SCRG1: variants seen among roughly 807,000 people sequenced by gnomAD.
SCRG1 encodes stimulator of chondrogenesis 1.
SCRG1 carries 3 observed loss-of-function variants against 7.7 expected under a neutral mutation model. The ratio of observed to expected loss-of-function variants is 0.39; its 90% confidence interval spans 0.18 to 1.01. The LOEUF is 1.01. SCRG1 is among the 50% of genes least tolerant of loss of function. SCRG1 has a pLI of 0.36. For missense variants in SCRG1, 110 were observed against 117.2 expected, an observed-to-expected ratio of 0.94 and a Z score of 0.28; for synonymous variants, 46 against 41.2, an observed-to-expected ratio of 1.12 and a Z score of -0.44.
At chr4:173,414,699 C>T in the SCRG1 span, among the ~76,000 whole-genome samples, 10 of 152,230 alleles carry the variant, frequency 6.6e-5, no homozygotes, top group African/African-American at 2.4e-4. Context: ...GTGTTCACAG[C>T]AGCTGTGGCT....
chr4:173,390,054 G>GT (rs1381937659), intron 2 of SCRG1, among the ~76,000 whole-genome samples: 1 of 151,972 alleles, frequency 6.6e-6, no homozygotes, highest in African/African-American at 2.4e-5. Flanking sequence ...TTGTTTGTTT[G>GT]TTTTTTTGAG....
chr4:173,414,824 C>T, the SCRG1 span, among the ~76,000 whole-genome samples: 1 of 152,140 alleles, frequency 6.6e-6, no homozygotes, highest in African/African-American at 2.4e-5. Flanking sequence ...ACTTCAAGCA[C>T]TCTCTCTTAG....
the SCRG1 span, among the ~76,000 whole-genome samples, chr4:173,483,235 A>ATGATATATC: frequency 2.4e-5 from 1 of 42,248 alleles, no homozygotes; most frequent in Admixed American, 4.2e-4. Flanking sequence ...TATTATATAT[A>ATGATATATC]ATATATGATA....
At chr4:173,416,921 C>T in the SCRG1 span, among the ~76,000 whole-genome samples, 3 of 49,424 alleles carry the variant, frequency 6.1e-5, no homozygotes, top group Non-Finnish European at 1.5e-4. Flanking sequence ...AACACACACA[C>T]ACACACACAC....
At chr4:173,486,392 C>G in the SCRG1 span, among the ~76,000 whole-genome samples, 1 of 152,126 alleles carries the variant, frequency 6.6e-6, no homozygotes, top group East Asian at 1.9e-4. Flanking sequence ...GACATAATGC[C>G]ATCACAGCTG....
chr4:173,472,626 G>A, the SCRG1 span, among the ~76,000 whole-genome samples: 1 of 152,206 alleles, frequency 6.6e-6, no homozygotes, highest in Non-Finnish European at 1.5e-5. Context: ...TGAGTCTAAA[G>A]GCAGGAAAAT....
rs993514369 is a variant in SCRG1 at position 173,385,767 on chromosome 4, G to A, written c.*2574C>T. The A allele has an allele frequency of 1.3e-5, 2 of 152,132 alleles. No individual in the cohort carries two copies. Among genetic ancestry groups the A allele is most frequent in the Non-Finnish European group, 1.5e-5 (1 of 68,028 alleles). 9.4% of individuals were successfully genotyped at this position (152,132 alleles called of 1,614,324 possible). On this transcript the variant is annotated 3_prime_UTR_variant, in exon 3 of 3. Coordinates refer to ENST00000296506, the MANE Select transcript of SCRG1 (RefSeq NM_007281.4). ...AGGGAACGTTTACTAAAAAGCCGTT[G>A]TTGTCTCACATATGTCCTTATGCTG...
chr4:173,483,518 A>T, the SCRG1 span, among the ~76,000 whole-genome samples: 9 of 87,964 alleles, frequency 1.0e-4, 1 homozygote, highest in East Asian at 6.1e-4. Flanking sequence ...TATATAATAT[A>T]TATTATATAT....
At chr4:173,437,695 A>G in the SCRG1 span, among the ~76,000 whole-genome samples, 1 of 152,248 alleles carries the variant, frequency 6.6e-6, no homozygotes, top group East Asian at 1.9e-4. Context: ...ATCTTGTTTG[A>G]GTTCATATAT....
At chr4:173,451,994 C>T in the SCRG1 span, among the ~76,000 whole-genome samples, 1 of 151,924 alleles carries the variant, frequency 6.6e-6, no homozygotes, top group African/African-American at 2.4e-5. Context: ...TTTAAGGATG[C>T]CATCCCTCTA....
At chr4:173,444,033 G>A in the SCRG1 span, among the ~76,000 whole-genome samples, 12 of 151,622 alleles carry the variant, frequency 7.9e-5, no homozygotes, top group Non-Finnish European at 1.8e-4. Flanking sequence ...GAGTGCAATG[G>A]TGTGATCTCG....
the SCRG1 span, among the ~76,000 whole-genome samples, chr4:173,434,101 C>T: frequency 2.6e-5 from 4 of 152,108 alleles, no homozygotes; most frequent in Non-Finnish European, 4.4e-5. Flanking sequence ...ATGCAGTCCT[C>T]CAAGGGAGTG....
At chr4:173,450,302 C>T in the SCRG1 span, among the ~76,000 whole-genome samples, 2 of 152,168 alleles carry the variant, frequency 1.3e-5, no homozygotes, top group African/African-American at 4.8e-5. Context: ...TTTGACATTA[C>T]AATTCCAGAT....
chr4:173,514,047 T>C, the SCRG1 span, among the ~76,000 whole-genome samples: 3 of 152,226 alleles, frequency 2.0e-5, no homozygotes, highest in Admixed American at 2.0e-4. Context: ...AGGAGGATGT[T>C]ACCTACTGAA....
chr4:173,469,682 C>G, the SCRG1 span: 1 of 152,296 alleles, frequency 6.6e-6, no homozygotes, highest in East Asian at 1.9e-4. Context: ...GCTGAGTTCT[C>G]TTAGCATAAG....
At chr4:173,480,855 A>G in the SCRG1 span, among the ~76,000 whole-genome samples, 1 of 152,164 alleles carries the variant, frequency 6.6e-6, no homozygotes, top group Non-Finnish European at 1.5e-5. Context: ...CAAAGATGGC[A>G]AAATAATAAC....
the SCRG1 span, among the ~76,000 whole-genome samples, chr4:173,507,623 C>A: frequency 6.6e-6 from 1 of 152,110 alleles, no homozygotes; most frequent in Admixed American, 6.6e-5. This position sits in a 1 kb window ranked among gnomAD's most constrained non-coding sequence, Gnocchi z 4.4. Context: ...GTGTTAAGAC[C>A]TCCTCCACAC....
chr4:173,423,703 T>C, the SCRG1 span, among the ~76,000 whole-genome samples: 4 of 152,254 alleles, frequency 2.6e-5, no homozygotes, highest in African/African-American at 9.6e-5. Context: ...AGCATTTTGT[T>C]GTGACTGTAA....
At chr4:173,424,392 T>G in the SCRG1 span, among the ~76,000 whole-genome samples, 3 of 152,334 alleles carry the variant, frequency 2.0e-5, no homozygotes, top group Admixed American at 1.3e-4. Flanking sequence ...AAATAATTAA[T>G]ACCATTGTGT....
Sources: gnomAD v4.1 joint callset for allele counts (sites outside exome capture counted in the v4.1 genomes callset) on GRCh38, gnomAD v4.1.1 for gene constraint, Gnocchi (gnomAD v3.1) non-coding constraint, MANE v1.5 for transcripts, NCBI Gene and HGNC (gene_info 2026-07-23, HGNC 2026-07-21) for gene names.